EYA2: variants seen among roughly 807,000 people sequenced by gnomAD.
The protein encoded by EYA2 is protein phosphatase EYA2.
A neutral mutation model predicts 69.2 loss-of-function variants in EYA2; 31 were observed. The observed-to-expected ratio is 0.45, with a 90% CI of 0.34 to 0.60. EYA2 has a LOEUF of 0.60. Among genes scored for constraint, EYA2 ranks in the 20% least tolerant of loss-of-function variants. EYA2 has a pLI of 0.02. For synonymous variants in EYA2, 257 were observed against 279.4 expected (o/e 0.92, Z 0.80); for missense variants, 622 against 701.2 (o/e 0.89, Z 1.28).
chr20:47,112,306 A>G (rs563998822), intron 9 of EYA2, among the ~76,000 whole-genome samples: 16 of 152,236 alleles, frequency 1.1e-4, no homozygotes, highest in Non-Finnish European at 2.4e-4. Flanking sequence ...CATGCAATTT[A>G]GAGACAGGGC....
intron 5 of EYA2, among the ~76,000 whole-genome samples, chr20:47,036,973 T>C (rs1255130479): frequency 1.3e-5 from 2 of 152,184 alleles, no homozygotes; most frequent in Non-Finnish European, 2.9e-5. Context: ...GACTGGGTAA[T>C]GTATAAAGGA....
intron 5 of EYA2, among the ~76,000 whole-genome samples, chr20:47,022,920 A>G (rs756107118): frequency 2.6e-5 from 4 of 151,872 alleles, no homozygotes; most frequent in Non-Finnish European, 5.9e-5. Flanking sequence ...TAGTATATTC[A>G]CTAAAATTGT....
chr20:47,158,778 G>A (rs935736211), intron 10 of EYA2, among the ~76,000 whole-genome samples: 1 of 151,818 alleles, frequency 6.6e-6, no homozygotes, highest in Non-Finnish European at 1.5e-5. Context: ...AGGAACACAG[G>A]ATCCAACTGA....
intron 1 of EYA2, among the ~76,000 whole-genome samples, chr20:46,972,623 A>G (rs1023045247): frequency 6.6e-6 from 1 of 152,208 alleles, no homozygotes; most frequent in East Asian, 1.9e-4. Flanking sequence ...TTATCCCCAC[A>G]GCAGCCCCAG....
In EYA2 at chr20:47,014,628, ATGTGTG is replaced by A. The variant is rs56005987; in HGVS notation, c.299-1516_299-1511del. ...AGATAGACTTGCACATGTGCACAAA[ATGTGTG>A]TGTGTGTGTGTGTGTGTGTGTGTGT... is the stretch of plus-strand genomic sequence containing the variant. On this transcript the variant is annotated intron_variant, in intron 4 of 15. Coordinates refer to ENST00000327619, the MANE Select transcript of EYA2 (RefSeq NM_005244.5). 6.9e-3 allele frequency among the ~76,000 whole-genome samples: 998 copies of A among 144,692 alleles called. 5 individuals carry two copies. The highest frequency in any genetic ancestry group is 0.013 in the African/African-American group (527 of 39,306). 94.9% of individuals were successfully genotyped at this position (144,692 alleles called of 152,430 possible).
intron 1 of EYA2, among the ~76,000 whole-genome samples, chr20:46,987,997 TGG>T (rs142827198): frequency 0.072 from 4,939 of 68,160 alleles, 465 homozygotes; most frequent in Non-Finnish European, 0.083. Flanking sequence ...TATATATATA[TGG>T]GGCAAAAAAA....
At chr20:47,001,142 T>C (rs1982340962) in intron 2 of EYA2, among the ~76,000 whole-genome samples, 1 of 152,068 alleles carries the variant, frequency 6.6e-6, no homozygotes, top group East Asian at 1.9e-4. Context: ...ATCTGTACAA[T>C]GGATGGAGAA....
At chr20:46,916,372 C>T (rs1289100102) in intron 1 of EYA2, among the ~76,000 whole-genome samples, 1 of 151,906 alleles carries the variant, frequency 6.6e-6, no homozygotes, top group Non-Finnish European at 1.5e-5. Context: ...TGTGCATGGA[C>T]AAGTATGCTG....
chr20:47,130,720 C>G (rs1406886786), intron 9 of EYA2, among the ~76,000 whole-genome samples: 1 of 152,126 alleles, frequency 6.6e-6, no homozygotes, highest in Non-Finnish European at 1.5e-5. Flanking sequence ...CTCTTCTCTA[C>G]TAGAAGTAAA....
intron 10 of EYA2, chr20:47,161,076 C>G: frequency 3.2e-6 from 1 of 308,858 alleles, no homozygotes; most frequent in South Asian, 3.7e-5. Flanking sequence ...GTCATAGATA[C>G]CCGCCATCAG....
At chr20:46,977,971 T>C (rs1375833308) in intron 1 of EYA2, among the ~76,000 whole-genome samples, 8 of 152,126 alleles carry the variant, frequency 5.3e-5, no homozygotes, top group Non-Finnish European at 8.8e-5. Flanking sequence ...TACTCTAATT[T>C]TTCACACTGA....
chr20:46,994,559 G>A (rs1179586060), intron 2 of EYA2, among the ~76,000 whole-genome samples: 2 of 152,148 alleles, frequency 1.3e-5, no homozygotes, highest in Non-Finnish European at 2.9e-5. Flanking sequence ...CTCATTTTCA[G>A]TTTCAGTCTC....
chr20:47,130,638 C>G (rs1015911319), intron 9 of EYA2, among the ~76,000 whole-genome samples: 9 of 152,080 alleles, frequency 5.9e-5, no homozygotes, highest in Non-Finnish European at 5.9e-5. Context: ...GAAGACATGA[C>G]AAAGGAGTCT....
intron 1 of EYA2, among the ~76,000 whole-genome samples, chr20:46,962,062 CTGTT>C (rs1979510685): frequency 6.6e-6 from 1 of 152,174 alleles, no homozygotes; most frequent in African/African-American, 2.4e-5. Context: ...CAGGATCTCA[CTGTT>C]TGTCCAGTCT....
intron 1 of EYA2, among the ~76,000 whole-genome samples, chr20:46,985,063 A>G (rs901503457): frequency 2.0e-5 from 3 of 152,260 alleles, no homozygotes; most frequent in African/African-American, 7.2e-5. Flanking sequence ...ATAAAACAAC[A>G]TGGCATCATT....
chr20:46,967,115 A>G (rs1600590022), intron 1 of EYA2, among the ~76,000 whole-genome samples: 1 of 152,114 alleles, frequency 6.6e-6, no homozygotes, highest in Admixed American at 6.5e-5. Flanking sequence ...TGCCTCAGAC[A>G]CCCAAGTAGC....
intron 10 of EYA2, chr20:47,160,705 A>T (rs2034047897): frequency 6.5e-6 from 1 of 152,970 alleles, no homozygotes; most frequent in African/African-American, 2.4e-5. Context: ...TTGGTATTTC[A>T]TGCCTCTTTG....
intron 5 of EYA2, among the ~76,000 whole-genome samples, chr20:47,035,393 T>G (rs758037655): frequency 1.3e-5 from 2 of 152,114 alleles, no homozygotes; most frequent in Non-Finnish European, 2.9e-5. Context: ...CCCCCTCCCA[T>G]AGCCACACAA....
chr20:46,899,718 A>T (rs1043568416), intron 1 of EYA2, among the ~76,000 whole-genome samples: 3 of 152,162 alleles, frequency 2.0e-5, no homozygotes, highest in African/African-American at 7.2e-5. Flanking sequence ...TTTGAACGTT[A>T]AGGGAGGCCA....
Sources: allele counts gnomAD v4.1 joint callset (sites outside exome capture counted in the v4.1 genomes callset), GRCh38; gene constraint gnomAD v4.1.1; transcripts MANE v1.5; gene names NCBI Gene and HGNC (gene_info 2026-07-23, HGNC 2026-07-21).